The following RBFOX3 variants were observed in gnomAD, a reference collection of about 807,000 sequenced individuals.
The protein encoded by RBFOX3 is RNA binding fox-1 homolog 3.
Under a neutral mutation model 48.7 loss-of-function variants are expected in RBFOX3, and 17 were observed. That is an observed-to-expected ratio of 0.35 (90% CI 0.24 to 0.52). The LOEUF is 0.52. Ranked by LOEUF, RBFOX3 falls within the 20% of genes least tolerant of loss-of-function variation. RBFOX3 has a pLI of 0.94. For missense variants in RBFOX3, 382 were observed against 497.5 expected, an observed-to-expected ratio of 0.77 and a Z score of 2.21; for synonymous variants, 212 against 209.5, an observed-to-expected ratio of 1.01 and a Z score of -0.10.
intron 1 of RBFOX3, among the ~76,000 whole-genome samples, chr17:79,606,850 C>T (rs1372481891): frequency 6.6e-6 from 1 of 152,124 alleles, no homozygotes; most frequent in African/African-American, 2.4e-5. Flanking sequence ...CAATCACACA[C>T]TAAGCATCCG....
intron 1 of RBFOX3, among the ~76,000 whole-genome samples, chr17:79,552,955 T>C (rs2091293703): frequency 1.3e-5 from 2 of 152,198 alleles, no homozygotes; most frequent in South Asian, 4.1e-4. Context: ...TAAAAAAGGG[T>C]AATACTTTTA....
In RBFOX3 at chr17:79,259,222, C is replaced by T. The variant is rs1449551883; in HGVS notation, c.-73-23417G>A. 2.0e-5 allele frequency among the ~76,000 whole-genome samples: 3 copies of T among 152,236 alleles called. No homozygotes were observed. In the South Asian group the frequency reaches 6.2e-4, roughly 32 times the overall value. On this transcript the variant is annotated intron_variant, in intron 3 of 14. Coordinates refer to ENST00000693108, the MANE Select transcript of RBFOX3 (RefSeq NM_001350451.2). ...ACCCAATACGCAGCTGGTGTCTGGCCCACCTGGCATCTGTGGACTCTGCCC... is the reference window on the plus strand; with the variant it reads ...ACCCAATACGCAGCTGGTGTCTGGCTCACCTGGCATCTGTGGACTCTGCCC...
Position 79,477,130 on chromosome 17 carries a change from A to G in RBFOX3, c.-175+5324T>C, listed in dbSNP as rs752992413. Among the ~76,000 whole-genome samples, 90 of 150,584 alleles carry G rather than the reference A, an allele frequency of 6.0e-4. No homozygotes were observed. The highest frequency in any genetic ancestry group is 8.6e-4 in the Admixed American group (13 of 15,134). On this transcript the variant is annotated intron_variant, in intron 2 of 14. Transcript: ENST00000693108. This position sits in a 1 kb window ranked among gnomAD's most constrained non-coding sequence, Gnocchi z 4.8. ...CGCCTGTAATCCCAGTTACTCGGGA[A>G]GCTGAGGCAGGAGAATCTCTTAAAC...
chr17:79,417,301 A>G (rs1050126312), intron 2 of RBFOX3, among the ~76,000 whole-genome samples: 1 of 152,202 alleles, frequency 6.6e-6, no homozygotes, highest in African/African-American at 2.4e-5. Context: ...ACTCCTGCTC[A>G]GGGGTGCCTC....
At chr17:79,498,483 AT>A (rs1555775733) in intron 1 of RBFOX3, among the ~76,000 whole-genome samples, 1 of 149,930 alleles carries the variant, frequency 6.7e-6, no homozygotes, top group Non-Finnish European at 1.5e-5. Context: ...CCATCCATCC[AT>A]CCATAAGCCT....
At chr17:79,623,830 A>G in the RBFOX3 span, among the ~76,000 whole-genome samples, 2 of 151,568 alleles carry the variant, frequency 1.3e-5, no homozygotes, top group Non-Finnish European at 2.9e-5. Context: ...CTCTAAAAAA[A>G]AAAAAAAAAA....
In RBFOX3 at chr17:79,360,538, C is replaced by T. The variant is rs78229910; in HGVS notation, c.-174-52714G>A. Among the ~76,000 whole-genome samples, 1,111 of 152,334 alleles carry T rather than the reference C, an allele frequency of 7.3e-3. 8 individuals carry two copies. The highest frequency in any genetic ancestry group is 0.015 in the African/African-American group (610 of 41,574). On this transcript the variant is annotated intron_variant, in intron 2 of 14. Coordinates refer to ENST00000693108, the MANE Select transcript of RBFOX3 (RefSeq NM_001350451.2). ...TCCATCCTCATTGAAGTGAAATCCA[C>T]GCAGCCAGCATCGGAGACGATGAAA...
chr17:79,118,876 C>T (rs1167629354), intron 4 of RBFOX3, among the ~76,000 whole-genome samples: 2 of 150,376 alleles, frequency 1.3e-5, no homozygotes, highest in East Asian at 2.0e-4. Context: ...ATGTGGGAGG[C>T]TGAGGCAGGA....
chr17:79,404,448 G>A (rs906333621), intron 2 of RBFOX3, among the ~76,000 whole-genome samples: 2 of 152,264 alleles, frequency 1.3e-5, no homozygotes, highest in Non-Finnish European at 2.9e-5. Context: ...CCACTCTGCT[G>A]CAAAGCCCTC....
chr17:79,523,058 T>C (rs949472593), intron 1 of RBFOX3, among the ~76,000 whole-genome samples: 9,313 of 149,802 alleles, frequency 0.062, 609 homozygotes, highest in African/African-American at 0.17. Context: ...TAGATTCCAC[T>C]GATTATGAGG....
intron 1 of RBFOX3, among the ~76,000 whole-genome samples, chr17:79,570,396 A>C (rs2092630601): frequency 6.6e-6 from 1 of 151,486 alleles, no homozygotes; most frequent in African/African-American, 2.4e-5. Context: ...TGGATGGTAG[A>C]TAGAAGATAG....
At chr17:79,590,596 G>A (rs1407173021) in intron 1 of RBFOX3, among the ~76,000 whole-genome samples, 2 of 152,126 alleles carry the variant, frequency 1.3e-5, no homozygotes, top group African/African-American at 4.8e-5. Flanking sequence ...AGGGAAGTCC[G>A]CCTCCCAGGA....
At chr17:79,260,409 T>A (rs2065564708) in intron 3 of RBFOX3, among the ~76,000 whole-genome samples, 1 of 152,204 alleles carries the variant, frequency 6.6e-6, no homozygotes, top group Non-Finnish European at 1.5e-5. Context: ...GGTCTTGTTC[T>A]TTCCCCTGCA....
intron 2 of RBFOX3, among the ~76,000 whole-genome samples, chr17:79,422,523 C>T (rs1268679746): frequency 1.3e-5 from 2 of 152,102 alleles, no homozygotes; most frequent in Non-Finnish European, 2.9e-5. Flanking sequence ...TGTCCTCCCG[C>T]TCCCTACACA....
rs143369889 is a variant in RBFOX3, at chr17:79,392,768, A to C, written c.-174-84944T>G. ...TCAGGAACCAAGATGCATATGAGCC[A>C]GAAATCAACCCGCAATTGCTACAGA... is the stretch of plus-strand genomic sequence containing the variant. On this transcript the variant is annotated intron_variant, in intron 2 of 14. Transcript: ENST00000693108. This position sits in a 1 kb window ranked among gnomAD's most constrained non-coding sequence, Gnocchi z 5.0. 2.0e-4 allele frequency among the ~76,000 whole-genome samples: 31 copies of C among 152,332 alleles called. 1 individual carries two copies. In the East Asian group the frequency reaches 6.0e-3, roughly 29 times the overall value.
intron 1 of RBFOX3, among the ~76,000 whole-genome samples, chr17:79,520,857 G>A (rs2085967716): frequency 3.3e-5 from 5 of 152,308 alleles, no homozygotes; most frequent in African/African-American, 9.6e-5. Flanking sequence ...ATTTGAAGTC[G>A]CCCCATGCTG....
intron 2 of RBFOX3, among the ~76,000 whole-genome samples, chr17:79,387,901 A>G (rs1196219356): frequency 6.8e-6 from 1 of 147,570 alleles, no homozygotes; most frequent in Non-Finnish European, 1.5e-5. Flanking sequence ...AGAGTGTGTG[A>G]TTGTGTGTAC....
chr17:79,144,393 C>T (rs2042588970), intron 4 of RBFOX3, among the ~76,000 whole-genome samples: 1 of 152,208 alleles, frequency 6.6e-6, no homozygotes, highest in Admixed American at 6.5e-5. Context: ...AGAGGCGTCA[C>T]ATGACCCCCA....
rs2061048442 is a variant in RBFOX3, at chr17:79,115,580, T to G, written c.136A>C (p.Thr46Pro). The G allele has an allele frequency of 7.0e-7, 1 of 1,427,934 alleles. No homozygotes were observed. Among genetic ancestry groups the G allele is most frequent in the Non-Finnish European group, 9.2e-7 (1 of 1,090,700 alleles). The allele number at this position is 1,427,934 out of a possible 1,614,324, so 88.5% of individuals were successfully genotyped here. ...QTPVPTEHGM[T>P]LYTPAQTHPE... ...TGGGTCTGTGCTGGTGTGTACAGGGTCATGCCATGCTCTGTGGGGACCGGG... is the reference window on the plus strand; with the variant it reads ...TGGGTCTGTGCTGGTGTGTACAGGGGCATGCCATGCTCTGTGGGGACCGGG... The change falls in exon 5 of 15, where the codon ACC becomes CCC. Residue 46 changes from threonine to proline, a missense_variant. By Grantham distance (38) the Thr-to-Pro change is conservative (BLOSUM62 -1). This residue lies in a region of RBFOX3 where 118 missense variants were observed against 132.1 expected (regional missense o/e 0.89). Coordinates refer to ENST00000693108, the MANE Select transcript of RBFOX3 (RefSeq NM_001350451.2).
Sources: allele counts gnomAD v4.1 joint callset (sites outside exome capture counted in the v4.1 genomes callset), GRCh38; gene constraint gnomAD v4.1.1; regional missense constraint gnomAD v4.1.1; non-coding constraint Gnocchi (gnomAD v3.1); transcripts MANE v1.5; gene names NCBI Gene and HGNC (gene_info 2026-07-23, HGNC 2026-07-21).